KCNN2: variants seen among roughly 807,000 people sequenced by gnomAD.
KCNN2 encodes the protein potassium calcium-activated channel subfamily N member 2, also known as small conductance calcium-activated potassium channel protein 2.
Under a neutral mutation model 55.5 loss-of-function variants are expected in KCNN2, and 24 were observed. The observed-to-expected ratio is 0.43, with a 90% CI of 0.31 to 0.61. The LOEUF is 0.61. Ranked by LOEUF, KCNN2 falls within the 20% of genes least tolerant of loss-of-function variation. KCNN2 has a pLI of 0.08. For missense variants in KCNN2, 754 were observed against 853.6 expected (o/e 0.88, Z 1.45); for synonymous variants, 431 against 336.1 (o/e 1.28, Z -3.09).
At chr5:114,426,539 T>A (rs555407985) in intron 3 of KCNN2, among the ~76,000 whole-genome samples, 3 of 152,346 alleles carry the variant, frequency 2.0e-5, no homozygotes, top group East Asian at 3.9e-4. Context: ...TCCATTTTTT[T>A]AAAGTATTTG....
chr5:114,211,531 A>C (rs150797672), intron 1 of KCNN2, among the ~76,000 whole-genome samples: 282 of 152,204 alleles, frequency 1.9e-3, no homozygotes, highest in African/African-American at 6.6e-3. Flanking sequence ...GGACACAAAG[A>C]GGGGAACAAC....
At position 114,323,649 on chromosome 5, in the gene KCNN2, ATT is replaced by A. The variant is rs6149185; in HGVS notation, c.-184-37279_-184-37278del. On this transcript the variant is annotated intron_variant, in intron 2 of 10. Transcript: ENST00000512097. ...TAAGTATCATGATATAAACATATCA[ATT>A]TTTTTTTTTTTTTTTTGCTGGTCGG... Among the ~76,000 whole-genome samples, 72 of 85,280 alleles carry A rather than the reference ATT, an allele frequency of 8.4e-4. 2 individuals carry two copies. Among genetic ancestry groups the A allele is most frequent in the Middle Eastern group, 7.4e-3 (1 of 136 alleles). The allele number at this position is 85,280 out of a possible 152,430, so 55.9% of individuals were successfully genotyped here. A position where few individuals can be genotyped will look rare whatever the true frequency, so the allele number is the denominator to read the frequency against.
chr5:114,340,842 T>C (rs994172188), intron 2 of KCNN2, among the ~76,000 whole-genome samples: 2 of 152,186 alleles, frequency 1.3e-5, no homozygotes, highest in African/African-American at 2.4e-5. Context: ...ATCTCCCCAT[T>C]TTCCCTTGCC....
At chr5:114,294,835 T>A (rs1026730087) in intron 2 of KCNN2, among the ~76,000 whole-genome samples, 3 of 152,162 alleles carry the variant, frequency 2.0e-5, no homozygotes, top group Non-Finnish European at 2.9e-5. Context: ...TCTAAGGACT[T>A]GCTTTATGAA....
chr5:114,196,180 A>T (rs1753552509), intron 1 of KCNN2, among the ~76,000 whole-genome samples: 1 of 151,900 alleles, frequency 6.6e-6, no homozygotes. Context: ...TGACTTCCAG[A>T]TGTTAAACCA....
intron 1 of KCNN2, among the ~76,000 whole-genome samples, chr5:114,172,742 A>G (rs1009031143): frequency 4.6e-5 from 7 of 151,422 alleles, no homozygotes; most frequent in Non-Finnish European, 8.9e-5. Context: ...ATGTCTTTTG[A>G]GAAATGTCTA....
chr5:114,210,356 G>A (rs1331163781), intron 1 of KCNN2, among the ~76,000 whole-genome samples: 1 of 152,110 alleles, frequency 6.6e-6, no homozygotes, highest in African/African-American at 2.4e-5. Context: ...AGCTGTCAAG[G>A]AAAATGTTGC....
At chr5:114,191,002 A>G (rs201399996) in intron 1 of KCNN2, among the ~76,000 whole-genome samples, 1 of 152,150 alleles carries the variant, frequency 6.6e-6, no homozygotes, top group East Asian at 1.9e-4. Context: ...CTGAGAACAC[A>G]GTCCTTGTGA....
At chr5:114,445,459 A>C (rs1561387941) in intron 3 of KCNN2, among the ~76,000 whole-genome samples, 1 of 152,184 alleles carries the variant, frequency 6.6e-6, no homozygotes, top group Non-Finnish European at 1.5e-5. Context: ...AGAAACAAAC[A>C]CTTTAATTAA....
intron 2 of KCNN2, among the ~76,000 whole-genome samples, chr5:114,251,866 T>A (rs1046079294): frequency 6.7e-6 from 1 of 148,486 alleles, no homozygotes; most frequent in Non-Finnish European, 1.5e-5. Context: ...TTTCTGTTTT[T>A]TCTTTTTCTT....
chr5:114,411,287 G>A (rs1759123005), intron 3 of KCNN2, among the ~76,000 whole-genome samples: 1 of 152,110 alleles, frequency 6.6e-6, no homozygotes, highest in African/African-American at 2.4e-5. Flanking sequence ...TTTCTGAAAT[G>A]CAGTTGAAAC....
At chr5:114,440,453 A>G (rs1760164522) in intron 3 of KCNN2, among the ~76,000 whole-genome samples, 1 of 152,226 alleles carries the variant, frequency 6.6e-6, no homozygotes, top group South Asian at 2.1e-4. Flanking sequence ...GAGATCCCAG[A>G]AAGGATTTTT....
chr5:114,087,602 T>C (rs1214735974), intron 1 of KCNN2, among the ~76,000 whole-genome samples: 1 of 152,148 alleles, frequency 6.6e-6, no homozygotes, highest in Admixed American at 6.6e-5. Flanking sequence ...TCATAGTTCA[T>C]TCTTATTTAT....
intron 1 of KCNN2, among the ~76,000 whole-genome samples, chr5:114,127,550 A>C (rs566853790): frequency 6.6e-6 from 1 of 151,778 alleles, no homozygotes; most frequent in African/African-American, 2.4e-5. Flanking sequence ...CTACAAAACC[A>C]TTTTTTCCTC....
intron 3 of KCNN2, 27 bp downstream of exon 3, chr5:114,404,883 A>G (rs763165826): frequency 4.5e-6 from 7 of 1,572,758 alleles, no homozygotes; most frequent in South Asian, 3.5e-5. Context: ...TCCTGAGAAC[A>G]TAATTTACCA....
intron 2 of KCNN2, among the ~76,000 whole-genome samples, chr5:114,308,853 A>G (rs1017488059): frequency 8.5e-5 from 13 of 152,306 alleles, no homozygotes; most frequent in South Asian, 6.2e-4. Flanking sequence ...ATAAAACCAA[A>G]ATATTATGCT....
chr5:114,348,125 C>G (rs2150039124), intron 2 of KCNN2, among the ~76,000 whole-genome samples: 1 of 152,226 alleles, frequency 6.6e-6, no homozygotes, highest in Non-Finnish European at 1.5e-5. Flanking sequence ...ACTCTCAAAA[C>G]TGAGAACATA....
chr5:114,351,089 T>C (rs1486527110), intron 2 of KCNN2, among the ~76,000 whole-genome samples: 2 of 151,862 alleles, frequency 1.3e-5, no homozygotes, highest in African/African-American at 2.4e-5. Context: ...CTTGGGAGCA[T>C]AGATTGTATC....
chr5:114,186,183 T>C (rs993277506), intron 1 of KCNN2, among the ~76,000 whole-genome samples: 6 of 152,242 alleles, frequency 3.9e-5, no homozygotes, highest in Non-Finnish European at 7.3e-5. Flanking sequence ...GTGACCAGTA[T>C]ACTAAATAAG....
Sources: gnomAD v4.1 joint callset for allele counts (sites outside exome capture counted in the v4.1 genomes callset) on GRCh38, gnomAD v4.1.1 for gene constraint, MANE v1.5 for transcripts, NCBI Gene and HGNC (gene_info 2026-07-23, HGNC 2026-07-21) for gene names.